The following FANCC variants were observed in gnomAD, a reference collection of about 807,000 sequenced individuals.
The protein encoded by FANCC is Fanconi anemia group C protein.
FANCC carries 55 observed loss-of-function variants against 71.3 expected under a neutral mutation model. The ratio of observed to expected loss-of-function variants is 0.77; its 90% CI spans 0.62 to 0.97. FANCC has a LOEUF of 0.97. Ranked by LOEUF, FANCC falls within the 50% of genes least tolerant of loss-of-function variation. FANCC has a pLI of 0.00. For synonymous variants in FANCC, 275 were observed against 244.9 expected (o/e 1.12, Z -1.15); for missense variants, 678 against 670.9 (o/e 1.01, Z -0.12).
At chr9:95,115,638 CA>C (rs1227946117) in intron 11 of FANCC, among the ~76,000 whole-genome samples, 1 of 152,154 alleles carries the variant, frequency 6.6e-6, no homozygotes, top group Non-Finnish European at 1.5e-5. Flanking sequence ...GCAGCATCTG[CA>C]AAAGTTTTCA....
At chr9:95,283,806 T>C (rs1365576463) in intron 1 of FANCC, among the ~76,000 whole-genome samples, 1 of 152,244 alleles carries the variant, frequency 6.6e-6, no homozygotes, top group Non-Finnish European at 1.5e-5. Context: ...GCCTCTTTCT[T>C]TTCATCTAAT....
At chr9:95,169,505 T>A (rs568158843) in intron 6 of FANCC, among the ~76,000 whole-genome samples, 51 of 152,232 alleles carry the variant, frequency 3.4e-4, no homozygotes, top group Non-Finnish European at 5.6e-4. Flanking sequence ...TTCCTCAGTC[T>A]GCTTCCTAAA....
chr9:95,246,309 G>A (rs938892402), intron 3 of FANCC, among the ~76,000 whole-genome samples: 3 of 152,186 alleles, frequency 2.0e-5, no homozygotes, highest in African/African-American at 4.8e-5. Context: ...GGGCGTCCAC[G>A]CACGCCTGCT....
intron 4 of FANCC, among the ~76,000 whole-genome samples, chr9:95,173,029 T>C (rs1825780876): frequency 6.6e-6 from 1 of 152,096 alleles, no homozygotes; most frequent in Admixed American, 6.5e-5. Flanking sequence ...AGCATAACAA[T>C]GAATATGAAT....
chr9:95,100,766 G>A lies in FANCC; in HGVS notation c.*941C>T, dbSNP rs2071045848. The A allele has an allele frequency of 4.4e-6, 1 of 225,738 alleles. No homozygotes were observed. The highest frequency in any genetic ancestry group is 8.8e-6 in the Non-Finnish European group (1 of 113,442). 14.0% of individuals were successfully genotyped at this position (225,738 alleles called of 1,614,324 possible). Reference sequence around the variant, plus strand: ...ATGCCTCAGCCTCTTGAATAGCTGGGATTACAGATGCATGCCATTGCACCC... The same window carrying A: ...ATGCCTCAGCCTCTTGAATAGCTGGAATTACAGATGCATGCCATTGCACCC... On this transcript the variant is annotated 3_prime_UTR_variant, in exon 15 of 15. Coordinates refer to ENST00000289081, the MANE Select transcript of FANCC (RefSeq NM_000136.3).
At chr9:95,154,943 T>C (rs1830372688) in intron 6 of FANCC, among the ~76,000 whole-genome samples, 1 of 151,916 alleles carries the variant, frequency 6.6e-6, no homozygotes, top group Admixed American at 6.6e-5. Flanking sequence ...TGGTAGCTTA[T>C]GTCTGCAATC....
chr9:95,307,580 C>T (rs750340670), intron 1 of FANCC, among the ~76,000 whole-genome samples: 3 of 152,172 alleles, frequency 2.0e-5, no homozygotes, highest in Non-Finnish European at 4.4e-5. Context: ...CAACTGAATG[C>T]ATTTCAGAAT....
intron 4 of FANCC, among the ~76,000 whole-genome samples, chr9:95,228,311 C>G (rs1829758390): frequency 6.6e-6 from 1 of 152,178 alleles, no homozygotes. Context: ...TCACAGTCCT[C>G]CAAAATGCGT....
intron 1 of FANCC, among the ~76,000 whole-genome samples, chr9:95,257,689 A>G (rs1831756691): frequency 6.6e-6 from 1 of 152,218 alleles, no homozygotes; most frequent in South Asian, 2.1e-4. Context: ...TCAGAGCAGA[A>G]CTGAAGGAGA....
At chr9:95,288,271 T>C (rs1833803107) in intron 1 of FANCC, among the ~76,000 whole-genome samples, 1 of 152,246 alleles carries the variant, frequency 6.6e-6, no homozygotes, top group Non-Finnish European at 1.5e-5. Flanking sequence ...ATGTTTGTTC[T>C]ATATAACATG....
At chr9:95,207,248 G>T (rs535711523) in intron 4 of FANCC, among the ~76,000 whole-genome samples, 16 of 151,944 alleles carry the variant, frequency 1.1e-4, no homozygotes, top group Non-Finnish European at 2.4e-4. Flanking sequence ...AAAAAGGAAA[G>T]AAACCATAAA....
At chr9:95,185,086 T>C (rs1012850684) in intron 4 of FANCC, among the ~76,000 whole-genome samples, 10 of 152,260 alleles carry the variant, frequency 6.6e-5, no homozygotes, top group Non-Finnish European at 1.3e-4. Flanking sequence ...ATACAGTGCA[T>C]ACCCATTGGC....
At chr9:95,162,469 A>T (rs1172969048) in intron 6 of FANCC, among the ~76,000 whole-genome samples, 1 of 152,216 alleles carries the variant, frequency 6.6e-6, no homozygotes, top group Admixed American at 6.5e-5. Flanking sequence ...GGAAATATAC[A>T]CAAATATGGG....
intron 10 of FANCC, 110 bp from the exon 11 acceptor site, chr9:95,117,500 T>C (rs551458912): frequency 1.7e-5 from 13 of 774,330 alleles, no homozygotes; most frequent in African/African-American, 1.2e-4. Context: ...AGTACTAACA[T>C]GGTCAGAACA....
chr9:95,180,339 C>A (rs1196177566), intron 4 of FANCC, among the ~76,000 whole-genome samples: 2 of 82,188 alleles, frequency 2.4e-5, no homozygotes, highest in Non-Finnish European at 4.5e-5. Context: ...ACAGTTAACT[C>A]TTTTTTTTTT....
chr9:95,223,611 A>C (rs890210337), intron 4 of FANCC, among the ~76,000 whole-genome samples: 2 of 152,230 alleles, frequency 1.3e-5, no homozygotes, highest in African/African-American at 4.8e-5. Flanking sequence ...TAATTATTAC[A>C]AACTCAAAAA....
intron 4 of FANCC, among the ~76,000 whole-genome samples, chr9:95,229,211 T>C (rs964050961): frequency 1.2e-4 from 18 of 147,606 alleles, no homozygotes; most frequent in African/African-American, 4.1e-4. Context: ...GGCAGGAGAA[T>C]CACTTGAATA....
chr9:95,162,450 C>T (rs566386163), intron 6 of FANCC, among the ~76,000 whole-genome samples: 79 of 152,144 alleles, frequency 5.2e-4, no homozygotes, highest in African/African-American at 1.9e-3. Context: ...ATTTTGTTCC[C>T]AATTATTTGG....
chr9:95,277,663 G>A (rs760762525), intron 1 of FANCC, among the ~76,000 whole-genome samples: 20 of 152,068 alleles, frequency 1.3e-4, no homozygotes, highest in Non-Finnish European at 2.6e-4. Flanking sequence ...AGTCTTAAAA[G>A]CAGAAATAGA....
Sources: allele counts gnomAD v4.1 joint callset (sites outside exome capture counted in the v4.1 genomes callset), GRCh38; gene constraint gnomAD v4.1.1; transcripts MANE v1.5; gene names NCBI Gene and HGNC (gene_info 2026-07-23, HGNC 2026-07-21).